Variants in GRK5 observed in about 807,000 individuals in gnomAD.
GRK5 encodes G protein-coupled receptor kinase 5.
Under a neutral mutation model 78.4 loss-of-function variants are expected in GRK5, and 40 were observed. The ratio of observed to expected loss-of-function variants is 0.51; its 90% CI spans 0.40 to 0.66. GRK5 has a LOEUF of 0.66. Among genes scored for constraint, GRK5 ranks in the 30% least tolerant of loss-of-function variants. The pLI is 0.00. For synonymous variants in GRK5, 289 were observed against 296.8 expected, an observed-to-expected ratio of 0.97 and a Z score of 0.27; for missense variants, 598 against 759.9, an observed-to-expected ratio of 0.79 and a Z score of 2.50.
chr10:119,335,529 A>G (rs751769157), intron 2 of GRK5, among the ~76,000 whole-genome samples: 9 of 151,968 alleles, frequency 5.9e-5, no homozygotes, highest in Non-Finnish European at 1.2e-4. Context: ...ACGCCTAGCT[A>G]ATTTTGTGTT....
Position 119,387,152 on chromosome 10 carries a change from G to A in GRK5, c.261+6225G>A, listed in dbSNP as rs577482887. Reference sequence around the variant, plus strand: ...TCTGAGTAGCAGGGATTACAGGTGCGCACCACCACACCCAGCTAATTTTGT... The same window carrying A: ...TCTGAGTAGCAGGGATTACAGGTGCACACCACCACACCCAGCTAATTTTGT... On this transcript the variant is annotated intron_variant, in intron 3 of 15. Transcript: ENST00000392870. 8.5e-5 allele frequency among the ~76,000 whole-genome samples: 13 copies of A among 152,176 alleles called. 1 individual carries two copies. The highest frequency in any genetic ancestry group is 4.6e-4 in the Admixed American group (7 of 15,290).
intron 1 of GRK5, among the ~76,000 whole-genome samples, chr10:119,281,052 A>G (rs372397880): frequency 6.6e-6 from 1 of 151,964 alleles, no homozygotes; most frequent in East Asian, 1.9e-4. Flanking sequence ...TACTGGGATT[A>G]CAGGCATGAA....
chr10:119,301,058 C>T (rs1371609224), intron 1 of GRK5, among the ~76,000 whole-genome samples: 5 of 151,906 alleles, frequency 3.3e-5, no homozygotes, highest in South Asian at 2.1e-4. Flanking sequence ...GAGCCGAGAT[C>T]GTGCCACTGC....
At chr10:119,449,187 G>A (rs1486067033) in intron 13 of GRK5, among the ~76,000 whole-genome samples, 1 of 127,644 alleles carries the variant, frequency 7.8e-6, no homozygotes, top group Non-Finnish European at 1.8e-5. Flanking sequence ...GCTTACAGTA[G>A]ATCTGGTGGT....
At chr10:119,394,833 CTG>C (rs1046737799) in intron 3 of GRK5, among the ~76,000 whole-genome samples, 1 of 145,922 alleles carries the variant, frequency 6.9e-6, no homozygotes, top group Non-Finnish European at 1.5e-5. Flanking sequence ...GTATCTGTGT[CTG>C]TGGGCACGTG....
chr10:119,274,497 T>C (rs1366027669), intron 1 of GRK5, among the ~76,000 whole-genome samples: 1 of 152,160 alleles, frequency 6.6e-6, no homozygotes, highest in Non-Finnish European at 1.5e-5. Flanking sequence ...GAACTCTGCA[T>C]GTTACCTTGG....
intron 1 of GRK5, among the ~76,000 whole-genome samples, chr10:119,303,087 G>C (rs1029837063): frequency 6.6e-6 from 1 of 152,188 alleles, no homozygotes; most frequent in Non-Finnish European, 1.5e-5. Context: ...GCAGAGAGGT[G>C]CACTCGTGGA....
chr10:119,230,552 A>G (rs117516899), intron 1 of GRK5, among the ~76,000 whole-genome samples: 3,115 of 152,206 alleles, frequency 0.02, 74 homozygotes, highest in South Asian at 0.062. Context: ...TCACTGTCTC[A>G]AGAACAGCAA....
In GRK5 at chr10:119,455,325, TACG is replaced by T. The variant is rs1392275664; in HGVS notation, c.*261_*263del. 2 of 667,228 alleles carry T rather than the reference TACG, an allele frequency of 3.0e-6. No homozygotes were observed. The highest frequency in any genetic ancestry group is 3.6e-5 in the African/African-American group (2 of 56,328). 41.3% of individuals were successfully genotyped at this position (667,228 alleles called of 1,614,324 possible). A position where few individuals can be genotyped will look rare whatever the true frequency, so the allele number is the denominator to read the frequency against. On this transcript the variant is annotated 3_prime_UTR_variant, in exon 16 of 16. Coordinates refer to ENST00000392870, the MANE Select transcript of GRK5 (RefSeq NM_005308.3). ...ACATTGCAATAGAAATCCAATTGGA[TACG>T]ACAACTTGCACGTATTTTAATAGCG... is the stretch of plus-strand genomic sequence containing the variant.
At chr10:119,391,165 C>G (rs941691341) in intron 3 of GRK5, among the ~76,000 whole-genome samples, 10 of 152,200 alleles carry the variant, frequency 6.6e-5, no homozygotes, top group Admixed American at 5.9e-4. Context: ...ATCTATTGCC[C>G]TAAGTTGGGC....
Position 119,396,734 on chromosome 10 carries a change from A to G in GRK5, c.301A>G (p.Lys101Glu). Residue 101 changes from lysine (K) to glutamate (E), a missense_variant, in exon 4 of 16, where the codon AAA becomes GAA. Physicochemically the swap from Lys to Glu is moderately conservative, Grantham distance 56. Transcript: ENST00000392870. ...TACTCCAGATGAAAAACTGGGAGAG[A>G]AAGGGAAGGAAATTATGACCAAGTA... ...EVTPDEKLGE[K>E]GKEIMTKYLT... 6.2e-7 allele frequency: 1 copy of G among 1,613,854 alleles called. No homozygotes were observed. Among genetic ancestry groups the G allele is most frequent in the South Asian group, 1.1e-5 (1 of 91,082 alleles).
chr10:119,425,962 C>T lies in GRK5; in HGVS notation c.533+877C>T, dbSNP rs536662196. Among the ~76,000 whole-genome samples, 6 of 152,362 alleles carry T rather than the reference C, an allele frequency of 3.9e-5. No homozygotes were observed. The South Asian group carries it at 1.2e-3, about 32-fold the overall frequency. ...GCAGTGCTCTGCTACCTTCACTGGC[C>T]CAGGATTTGCAGAGCGGGGCGATGC... On this transcript the variant is annotated intron_variant, in intron 6 of 15. Coordinates refer to ENST00000392870, the MANE Select transcript of GRK5 (RefSeq NM_005308.3).
intron 1 of GRK5, among the ~76,000 whole-genome samples, chr10:119,258,154 C>T (rs1849319029): frequency 6.6e-6 from 1 of 152,180 alleles, no homozygotes. Flanking sequence ...CTGGCAACCA[C>T]TGGTCTGCTT....
intron 2 of GRK5, among the ~76,000 whole-genome samples, chr10:119,373,373 T>C (rs1449134161): frequency 6.6e-6 from 1 of 152,180 alleles, no homozygotes; most frequent in Non-Finnish European, 1.5e-5. Context: ...AGGGACCTGT[T>C]GGGAGGTAAT....
rs1853117545 is a variant in GRK5, at chr10:119,445,125, TCA to T, written c.1266+1374_1266+1375del. On this transcript the variant is annotated intron_variant, in intron 12 of 15. Transcript: ENST00000392870. This position sits in a 1 kb window ranked among gnomAD's most constrained non-coding sequence, Gnocchi z 4.1. ...GTTGGCCCGCCATGCAGCTGGGGCC[TCA>T]GAGAAAGCCACATGGTCATCGCAGC... Among the ~76,000 whole-genome samples, 7 of 152,210 alleles carry T rather than the reference TCA, an allele frequency of 4.6e-5. No individual in the cohort carries two copies. In the South Asian group the frequency reaches 1.5e-3, roughly 32 times the overall value.
chr10:119,250,186 G>A (rs1172994932), intron 1 of GRK5, among the ~76,000 whole-genome samples: 1 of 152,172 alleles, frequency 6.6e-6, no homozygotes, highest in Non-Finnish European at 1.5e-5. Context: ...TCTCTTCTGT[G>A]TTAAGCCTTT....
chr10:119,394,230 GGGTGTGTGGGTGTCTGTGTGTGGA>G (rs1851949910), intron 3 of GRK5, among the ~76,000 whole-genome samples: 1 of 143,218 alleles, frequency 7.0e-6, no homozygotes, highest in Non-Finnish European at 1.5e-5. Context: ...GTGTGGGTGT[GGGTGTGTGGGTGTCTGTGTGTGGA>G]TGTATCTGTG....
intron 2 of GRK5, 78 bp downstream of exon 2, chr10:119,326,689 T>C: frequency 9.2e-7 from 1 of 1,082,006 alleles, no homozygotes; most frequent in Non-Finnish European, 1.4e-6. Flanking sequence ...TTAAGGCAAA[T>C]GGGTGAGCCG....
Position 119,217,034 on chromosome 10 carries a change from C to T in GRK5, c.52+9065C>T, listed in dbSNP as rs1235039193. Among the ~76,000 whole-genome samples, 3 of 152,164 alleles carry T rather than the reference C, an allele frequency of 2.0e-5. No individual in the cohort carries two copies. In the East Asian group the frequency reaches 5.8e-4, roughly 29 times the overall value. On this transcript the variant is annotated intron_variant, in intron 1 of 15. Transcript: ENST00000392870. This position sits in a 1 kb window ranked among gnomAD's most constrained non-coding sequence, Gnocchi z 4.1. ...TTGGGGAGCAATTGCAAGTGGATCT[C>T]CCCTATCCTCCAAAGTGCTTTTATG... is the stretch of plus-strand genomic sequence containing the variant.
Sources: allele counts gnomAD v4.1 joint callset (sites outside exome capture counted in the v4.1 genomes callset), GRCh38; gene constraint gnomAD v4.1.1; non-coding constraint Gnocchi (gnomAD v3.1); transcripts MANE v1.5; gene names NCBI Gene and HGNC (gene_info 2026-07-23, HGNC 2026-07-21).